DISP1: variants seen among roughly 807,000 people sequenced by gnomAD.
DISP1 encodes protein dispatched homolog 1.
Under a neutral mutation model 37.3 loss-of-function variants are expected in DISP1, and 30 were observed. The ratio of observed to expected loss-of-function variants is 0.80; its 90% CI spans 0.60 to 1.09. The LOEUF is 1.09. DISP1 is among the 50% of genes least tolerant of loss of function. The probability of loss-of-function intolerance (pLI) is 0.00; values close to 1 mark genes in which losing one functional copy is unlikely to be tolerated. For missense variants in DISP1, 1,598 were observed against 1,879.5 expected (o/e 0.85, Z 2.77); for synonymous variants, 634 against 690.2 (o/e 0.92, Z 1.28).
At position 222,943,432 on chromosome 1, in the gene DISP1, A is replaced by C. The variant is rs567295998; in HGVS notation, c.509+100A>C. The C allele has an allele frequency of 2.0e-5, 30 of 1,530,366 alleles. No individual in the cohort carries two copies. In the South Asian group the frequency reaches 3.3e-4, roughly 17 times the overall value. The allele number at this position is 1,530,366 out of a possible 1,614,324, so 94.8% of individuals were successfully genotyped here. On this transcript the variant is annotated intron_variant, in intron 3 of 8. Transcript: ENST00000675850. ...TGAAAGGAGAGGAGAAAAATGAGGC[A>C]CAGAAAGAAAACATGAAAACGCATA... is the stretch of plus-strand genomic sequence containing the variant.
intron 4 of DISP1, chr1:222,989,557 A>T: frequency 3.0e-6 from 3 of 985,372 alleles, no homozygotes; most frequent in Non-Finnish European, 3.6e-6. Context: ...GCGCATCTGG[A>T]AGAAAGGGCC....
At chr1:222,963,315 C>T (rs1347770813) in intron 3 of DISP1, among the ~76,000 whole-genome samples, 1 of 152,182 alleles carries the variant, frequency 6.6e-6, no homozygotes, top group East Asian at 1.9e-4. Flanking sequence ...ACACTTTACA[C>T]TGTTGGTGGG....
intron 1 of DISP1, among the ~76,000 whole-genome samples, chr1:222,887,486 GT>G (rs940346379): frequency 4.9e-4 from 41 of 83,100 alleles, no homozygotes; most frequent in African/African-American, 1.3e-3. Flanking sequence ...CATTGTTTTT[GT>G]TTTTTTTTTT....
chr1:222,902,198 GC>G (rs1671632641), intron 1 of DISP1, among the ~76,000 whole-genome samples: 1 of 152,052 alleles, frequency 6.6e-6, no homozygotes, highest in Admixed American at 6.6e-5. Flanking sequence ...CCTTCTGCTA[GC>G]TTTTGAATGT....
chr1:222,988,209 A>C (rs1195091015), intron 4 of DISP1, among the ~76,000 whole-genome samples: 3 of 152,238 alleles, frequency 2.0e-5, no homozygotes, highest in Non-Finnish European at 4.4e-5. Context: ...GTTCAAACTT[A>C]GAACCCATAT....
Position 222,858,844 on chromosome 1 carries a change from G to A in DISP1, c.-159+43766G>A, listed in dbSNP as rs573388366. On this transcript the variant is annotated intron_variant, in intron 1 of 8. Coordinates refer to ENST00000675850, the MANE Select transcript of DISP1 (RefSeq NM_001377229.1). ...ACGTCTAGAAACAACAGATGCTGGC[G>A]AGGTTGCAGAGACATAGGAAAAGTT... Among the ~76,000 whole-genome samples the A allele has an allele frequency of 7.2e-5, 11 of 152,298 alleles. 1 individual carries two copies. In the East Asian group the frequency reaches 1.5e-3, roughly 21 times the overall value.
chr1:222,917,692 A>G (rs544255683), intron 1 of DISP1, among the ~76,000 whole-genome samples: 10 of 152,308 alleles, frequency 6.6e-5, no homozygotes, highest in Non-Finnish European at 1.5e-4. Flanking sequence ...ATTGCCTTGT[A>G]CGGTCTTCTT....
chr1:222,839,867 A>T (rs935193829), intron 1 of DISP1, among the ~76,000 whole-genome samples: 4 of 151,812 alleles, frequency 2.6e-5, no homozygotes, highest in Non-Finnish European at 5.9e-5. Context: ...CAGGAGGCGG[A>T]GGTTGCAGTG....
chr1:222,870,637 G>T (rs1669498178), intron 1 of DISP1, among the ~76,000 whole-genome samples: 1 of 152,060 alleles, frequency 6.6e-6, no homozygotes, highest in African/African-American at 2.4e-5. Context: ...TGATGGGGTT[G>T]TTTGTTTTTT....
At chr1:222,885,817 C>G (rs1670561738) in intron 1 of DISP1, among the ~76,000 whole-genome samples, 1 of 151,990 alleles carries the variant, frequency 6.6e-6, no homozygotes, top group Non-Finnish European at 1.5e-5. Flanking sequence ...CGTATATGTA[C>G]TAACATGTAT....
intron 1 of DISP1, among the ~76,000 whole-genome samples, chr1:222,889,868 A>C (rs1022721309): frequency 6.6e-6 from 1 of 152,152 alleles, no homozygotes; most frequent in African/African-American, 2.4e-5. Context: ...TTATTCTATG[A>C]ATTTAAATCA....
intron 3 of DISP1, among the ~76,000 whole-genome samples, chr1:222,980,362 T>C (rs1258745871): frequency 6.6e-6 from 1 of 151,960 alleles, no homozygotes; most frequent in Non-Finnish European, 1.5e-5. Flanking sequence ...TTTAGTAAAA[T>C]GTTGAAAGAG....
At chr1:222,911,349 G>A (rs1020784420) in intron 1 of DISP1, among the ~76,000 whole-genome samples, 2 of 152,082 alleles carry the variant, frequency 1.3e-5, no homozygotes, top group Non-Finnish European at 2.9e-5. Context: ...AGAACAAAGG[G>A]TATCTTTGCA....
At chr1:222,866,284 C>G (rs1183163917) in intron 1 of DISP1, among the ~76,000 whole-genome samples, 5 of 151,872 alleles carry the variant, frequency 3.3e-5, no homozygotes, top group African/African-American at 4.8e-5. Flanking sequence ...AGAATTGGGC[C>G]TCAGATATAT....
chr1:222,848,237 TG>T (rs1383380186), intron 1 of DISP1, among the ~76,000 whole-genome samples: 3 of 152,148 alleles, frequency 2.0e-5, no homozygotes, highest in South Asian at 4.1e-4. Context: ...TGCCCGATAG[TG>T]GGACACTGTA....
intron 8 of DISP1, among the ~76,000 whole-genome samples, chr1:222,997,602 T>A (rs1679166996): frequency 6.6e-6 from 1 of 152,188 alleles, no homozygotes. Context: ...TTTCTAATGG[T>A]TTAGCTTGTT....
intron 1 of DISP1, among the ~76,000 whole-genome samples, chr1:222,886,748 A>G (rs1670622679): frequency 6.6e-6 from 1 of 152,258 alleles, no homozygotes; most frequent in African/African-American, 2.4e-5. Context: ...CATAGGGCCA[A>G]TGAGTTGACC....
At chr1:222,840,958 A>T (rs1015362364) in intron 1 of DISP1, among the ~76,000 whole-genome samples, 1 of 152,220 alleles carries the variant, frequency 6.6e-6, no homozygotes, top group Non-Finnish European at 1.5e-5. Context: ...ACTTACTGTC[A>T]TCAAATTATT....
chr1:222,936,932 A>AC (rs1423695282), intron 2 of DISP1, among the ~76,000 whole-genome samples: 1 of 71,014 alleles, frequency 1.4e-5, no homozygotes, highest in Non-Finnish European at 2.8e-5. Context: ...TATAATATGT[A>AC]ATATATATTA....
Sources: allele counts gnomAD v4.1 joint callset (sites outside exome capture counted in the v4.1 genomes callset), GRCh38; gene constraint gnomAD v4.1.1; transcripts MANE v1.5; gene names NCBI Gene and HGNC (gene_info 2026-07-23, HGNC 2026-07-21).